Variants in CRYZL1 observed in about 807,000 individuals in gnomAD.
CRYZL1 encodes ferry endosomal RAB5 effector complex subunit 4.
In CRYZL1, 34 loss-of-function variants were observed where a neutral mutation model predicts 50.6. That is an observed-to-expected ratio of 0.67 (90% confidence interval 0.51 to 0.89). The LOEUF (loss-of-function observed/expected upper bound fraction) is 0.89. Among genes scored for constraint, CRYZL1 ranks in the 40% least tolerant of loss-of-function variants. CRYZL1 has a pLI of 0.00. For synonymous variants in CRYZL1, 125 were observed against 134.3 expected, an observed-to-expected ratio of 0.93 and a Z score of 0.48; for missense variants, 354 against 402.3, an observed-to-expected ratio of 0.88 and a Z score of 1.03.
chr21:33,628,912 T>A (rs2087102468), intron 2 of CRYZL1, among the ~76,000 whole-genome samples: 1 of 152,164 alleles, frequency 6.6e-6, no homozygotes, highest in South Asian at 2.1e-4. Context: ...ATTTCTTTTT[T>A]AGATAGTTTG....
At chr21:33,592,406 G>A (rs1254247343) in intron 11 of CRYZL1, among the ~76,000 whole-genome samples, 1 of 151,924 alleles carries the variant, frequency 6.6e-6, no homozygotes, top group African/African-American at 2.4e-5. Flanking sequence ...CAAAGTGCTG[G>A]GATTACAGGC....
intron 5 of CRYZL1, among the ~76,000 whole-genome samples, chr21:33,615,971 T>A (rs974227500): frequency 6.6e-6 from 1 of 152,232 alleles, no homozygotes. Context: ...AGGGTACATG[T>A]GCACATTGTG....
rs1232101882 is a variant in CRYZL1, at chr21:33,623,760, A to G, written c.144+923T>C. On this transcript the variant is annotated intron_variant, in intron 3 of 12. Transcript: ENST00000381554. ...AACTATGGCATTAATCCTAAAAAAT[A>G]AAACAAAACAAACAAAAAAACGGAG... Among the ~76,000 whole-genome samples, 2 of 152,232 alleles carry G rather than the reference A, an allele frequency of 1.3e-5. 1 individual carries two copies. Among genetic ancestry groups the G allele is most frequent in the Non-Finnish European group, 2.9e-5 (2 of 68,038 alleles).
At chr21:33,634,488 C>T (rs927783163) in intron 1 of CRYZL1, among the ~76,000 whole-genome samples, 1 of 152,142 alleles carries the variant, frequency 6.6e-6, no homozygotes, top group Non-Finnish European at 1.5e-5. Flanking sequence ...GACACTCACT[C>T]CATTTGTTCC....
At chr21:33,621,505 C>G (rs1490876952) in intron 4 of CRYZL1, among the ~76,000 whole-genome samples, 2 of 151,620 alleles carry the variant, frequency 1.3e-5, no homozygotes, top group Admixed American at 1.3e-4. Context: ...CCACGCCCAG[C>G]TAATTTTTTG....
In CRYZL1 at chr21:33,613,475, A is replaced by G. The variant is rs563643732; in HGVS notation, c.331+63T>C. The G allele has an allele frequency of 3.2e-5, 35 of 1,078,440 alleles. No individual in the cohort carries two copies. In the East Asian group the frequency reaches 8.1e-4, roughly 25 times the overall value. 66.8% of individuals were successfully genotyped at this position (1,078,440 alleles called of 1,614,324 possible). ...GTAGATTCAAAAAAATTAAAATGTT[A>G]TTAAACCATATGTCAGTGAAGTAAG... On this transcript the variant is annotated intron_variant, in intron 6 of 12. Coordinates refer to ENST00000381554, the MANE Select transcript of CRYZL1 (RefSeq NM_145858.3).
chr21:33,633,044 ATGT>A (rs2087159768), intron 1 of CRYZL1, among the ~76,000 whole-genome samples: 3 of 152,264 alleles, frequency 2.0e-5, no homozygotes, highest in African/African-American at 7.2e-5. Context: ...AGTCTCACTC[ATGT>A]TGTTACTTGT....
chr21:33,631,600 C>G (rs1434294616), intron 1 of CRYZL1, 43 bp from the exon 2 acceptor site: 1 of 1,289,418 alleles, frequency 7.8e-7, no homozygotes, highest in Non-Finnish European at 1.0e-6. Flanking sequence ...AACAAGTCTT[C>G]CAGACTAAAT....
chr21:33,597,760 C>T (rs755156385), intron 9 of CRYZL1, among the ~76,000 whole-genome samples: 18 of 152,110 alleles, frequency 1.2e-4, no homozygotes, highest in Non-Finnish European at 2.5e-4. Context: ...CTACAAGCGC[C>T]GCCACCATGC....
chr21:33,597,179 T>C, intron 10 of CRYZL1, 101 bp downstream of exon 10: 1 of 1,224,034 alleles, frequency 8.2e-7, no homozygotes, highest in Non-Finnish European at 1.2e-6. Context: ...CCAGATTTTA[T>C]ACTAATTTAG....
At chr21:33,608,970 T>C (rs1044350287) in intron 6 of CRYZL1, among the ~76,000 whole-genome samples, 3 of 152,346 alleles carry the variant, frequency 2.0e-5, no homozygotes, top group Admixed American at 1.3e-4. Context: ...TTCTCACCAA[T>C]AGCGTACAAA....
chr21:33,621,612 A>G (rs933886949), intron 4 of CRYZL1, among the ~76,000 whole-genome samples: 2 of 152,202 alleles, frequency 1.3e-5, no homozygotes, highest in Non-Finnish European at 2.9e-5. Context: ...AAGTGCTGGG[A>G]TTACAGGCAT....
At chr21:33,609,146 T>C (rs1601334459) in intron 6 of CRYZL1, among the ~76,000 whole-genome samples, 1 of 152,236 alleles carries the variant, frequency 6.6e-6, no homozygotes, top group Non-Finnish European at 1.5e-5. Context: ...GAAATGTCTA[T>C]TCAGGTCCTT....
chr21:33,618,208 G>A (rs1455609400), intron 4 of CRYZL1, among the ~76,000 whole-genome samples: 3 of 142,504 alleles, frequency 2.1e-5, no homozygotes, highest in Non-Finnish European at 4.5e-5. Context: ...AGGATAGCGT[G>A]AACCTGGGAG....
chr21:33,589,750 A>C lies in CRYZL1; in HGVS notation c.*72T>G. Reference sequence around the variant, plus strand: ...TTTATCTTCCTTGGTTTTTCTCAACAATTTCCAAAGAAAATTCTGGCTTCA... The same window carrying C: ...TTTATCTTCCTTGGTTTTTCTCAACCATTTCCAAAGAAAATTCTGGCTTCA... On this transcript the variant is annotated 3_prime_UTR_variant, in exon 13 of 13. Transcript: ENST00000381554. 9.8e-7 allele frequency: 1 copy of C among 1,022,792 alleles called. No homozygotes were observed. The highest frequency in any genetic ancestry group is 1.5e-6 in the Non-Finnish European group (1 of 668,444). 63.4% of individuals were successfully genotyped at this position (1,022,792 alleles called of 1,614,324 possible). A position where few individuals can be genotyped will look rare whatever the true frequency, so the allele number is the denominator to read the frequency against.
intron 5 of CRYZL1, among the ~76,000 whole-genome samples, chr21:33,615,384 GCT>G (rs2086918635): frequency 6.6e-6 from 1 of 151,820 alleles, no homozygotes; most frequent in Non-Finnish European, 1.5e-5. Flanking sequence ...GAACTACTGG[GCT>G]CAAGTGATCT....
intron 2 of CRYZL1, among the ~76,000 whole-genome samples, chr21:33,630,558 C>A (rs540962155): frequency 8.8e-4 from 134 of 151,560 alleles, no homozygotes; most frequent in Middle Eastern, 3.4e-3. Context: ...TGCCCTCCAG[C>A]CTGGGCAACA....
intron 2 of CRYZL1, among the ~76,000 whole-genome samples, chr21:33,625,634 C>G (rs1266989694): frequency 6.6e-6 from 1 of 151,800 alleles, no homozygotes; most frequent in African/African-American, 2.4e-5. Context: ...CAGGCATGCA[C>G]CACCACACCC....
intron 11 of CRYZL1, chr21:33,595,100 A>C: frequency 1.1e-6 from 1 of 889,922 alleles, no homozygotes; most frequent in Non-Finnish European, 1.4e-6. Context: ...TACTCTAAAG[A>C]GGTTTGCACC....
Sources: allele counts gnomAD v4.1 joint callset (sites outside exome capture counted in the v4.1 genomes callset), GRCh38; gene constraint gnomAD v4.1.1; transcripts MANE v1.5; gene names NCBI Gene and HGNC (gene_info 2026-07-23, HGNC 2026-07-21).